CAMK2D: variants seen among roughly 807,000 people sequenced by gnomAD.
CAMK2D encodes calcium/calmodulin dependent protein kinase II delta.
In CAMK2D, 37 loss-of-function variants were observed where a neutral mutation model predicts 84.0. The observed-to-expected ratio is 0.44, with a 90% CI of 0.34 to 0.58. CAMK2D has a LOEUF of 0.58. CAMK2D is among the 20% of genes least tolerant of loss of function. The pLI, the probability that CAMK2D is intolerant of heterozygous loss-of-function variation, is 0.02. For synonymous variants in CAMK2D, 202 were observed against 212.5 expected, an observed-to-expected ratio of 0.95 and a Z score of 0.43; for missense variants, 448 against 652.5, an observed-to-expected ratio of 0.69 and a Z score of 3.41.
intron 16 of CAMK2D, among the ~76,000 whole-genome samples, chr4:113,492,970 C>A (rs915848094): frequency 1.1e-5 from 1 of 88,682 alleles, no homozygotes; most frequent in African/African-American, 5.7e-5. Flanking sequence ...GCAACCCCTG[C>A]CTTTTTTTGT....
At chr4:113,542,901 G>A (rs371828897) in intron 6 of CAMK2D, among the ~76,000 whole-genome samples, 1 of 151,688 alleles carries the variant, frequency 6.6e-6, no homozygotes, top group South Asian at 2.1e-4. Flanking sequence ...CTATCCATCC[G>A]TCCAATGACA....
At chr4:113,490,108 TG>T (rs929238424) in intron 16 of CAMK2D, among the ~76,000 whole-genome samples, 23 of 149,548 alleles carry the variant, frequency 1.5e-4, no homozygotes, top group African/African-American at 5.6e-4. Flanking sequence ...TTCACTCTGA[TG>T]GTAGTTTCTT....
At chr4:113,708,718 T>C (rs998976791) in intron 2 of CAMK2D, among the ~76,000 whole-genome samples, 2 of 152,044 alleles carry the variant, frequency 1.3e-5, no homozygotes, top group African/African-American at 2.4e-5. Flanking sequence ...AAAGGTTTTG[T>C]TGTTGTTGTT....
chr4:113,575,322 GTATC>G (rs1364785250), intron 4 of CAMK2D, among the ~76,000 whole-genome samples: 1 of 152,068 alleles, frequency 6.6e-6, no homozygotes, highest in Non-Finnish European at 1.5e-5. Flanking sequence ...CATTCACTTG[GTATC>G]ATTAGGGACA....
intron 16 of CAMK2D, among the ~76,000 whole-genome samples, chr4:113,481,635 A>C (rs939432457): frequency 6.6e-6 from 1 of 152,036 alleles, no homozygotes; most frequent in Non-Finnish European, 1.5e-5. Context: ...ATGCACCACC[A>C]CACCTGGCTA....
At chr4:113,609,314 C>A in intron 3 of CAMK2D, 108 bp from the exon 4 acceptor site, 1 of 687,814 alleles carries the variant, frequency 1.5e-6, no homozygotes, top group Non-Finnish European at 2.7e-6. Context: ...GTTGGCATTA[C>A]ATTTTATTTT....
Position 113,694,862 on chromosome 4 carries a change from C to A in CAMK2D, c.161-33090G>T, listed in dbSNP as rs949243509. Among the ~76,000 whole-genome samples the A allele has an allele frequency of 9.2e-5, 14 of 152,190 alleles. 1 individual carries two copies. The South Asian group carries it at 2.9e-3, about 32-fold the overall frequency. On this transcript the variant is annotated intron_variant, in intron 2 of 20. Transcript: ENST00000511664. Reference sequence around the variant, plus strand: ...CTACTAATTAGCAAATTTTTTGAGGCCAGAAACTTTTAGTAATATTTCTCT... The same window carrying A: ...CTACTAATTAGCAAATTTTTTGAGGACAGAAACTTTTAGTAATATTTCTCT...
At chr4:113,479,759 T>C (rs2097676371) in intron 16 of CAMK2D, among the ~76,000 whole-genome samples, 1 of 152,112 alleles carries the variant, frequency 6.6e-6, no homozygotes, top group African/African-American at 2.4e-5. Flanking sequence ...TTTCAGAAAA[T>C]AGAAACGATG....
intron 2 of CAMK2D, among the ~76,000 whole-genome samples, chr4:113,705,652 T>G (rs953006249): frequency 6.6e-6 from 1 of 152,220 alleles, no homozygotes; most frequent in East Asian, 1.9e-4. Flanking sequence ...ATAAAAAGTT[T>G]TAACAAATGT....
chr4:113,640,549 C>T (rs549943306), intron 3 of CAMK2D, among the ~76,000 whole-genome samples: 12 of 152,098 alleles, frequency 7.9e-5, no homozygotes, highest in Non-Finnish European at 1.8e-4. Context: ...CCTAACAAAA[C>T]CTAATCAGTA....
intron 16 of CAMK2D, among the ~76,000 whole-genome samples, chr4:113,496,446 CTTTTTTTTTTT>C (rs543371495): frequency 8.3e-6 from 1 of 120,706 alleles, no homozygotes; most frequent in Non-Finnish European, 1.7e-5. Flanking sequence ...CTCCCATTTG[CTTTTTTTTTTT>C]TTTTTTTTTA....
Position 113,457,318 on chromosome 4 carries a change from A to G in CAMK2D, c.1535+17T>C. On this transcript the variant is annotated intron_variant, in intron 19 of 20. Transcript: ENST00000511664. ...TGGGTGTATTAACAAAGAAGCTGACAGCCTGGAAATATTTACTTGATGGGT... is the reference window on the plus strand; with the variant it reads ...TGGGTGTATTAACAAAGAAGCTGACGGCCTGGAAATATTTACTTGATGGGT... 1 of 1,613,232 alleles carries G rather than the reference A, an allele frequency of 6.2e-7. No homozygotes were observed. Among genetic ancestry groups the G allele is most frequent in the African/African-American group, 1.3e-5 (1 of 75,016 alleles).
chr4:113,761,675 C>T lies in CAMK2D; in HGVS notation c.-607G>A. The T allele has an allele frequency of 2.0e-6, 2 of 984,636 alleles. No homozygotes were observed. The highest frequency in any genetic ancestry group is 9.4e-5 in the South Asian group (2 of 21,278). The allele number at this position is 984,636 out of a possible 1,614,324, so 61.0% of individuals were successfully genotyped here. On this transcript the variant is annotated 5_prime_UTR_variant, in exon 1 of 21. Coordinates refer to ENST00000511664, the MANE Select transcript of CAMK2D (RefSeq NM_001321571.2). ...CGGCAGCGGCTCCGGCGAAGCGAGGCACCTTGGCGGCCTCGCGCTGCTCAC... is the reference window on the plus strand; with the variant it reads ...CGGCAGCGGCTCCGGCGAAGCGAGGTACCTTGGCGGCCTCGCGCTGCTCAC...
intron 2 of CAMK2D, among the ~76,000 whole-genome samples, chr4:113,671,162 G>T (rs1278674994): frequency 6.6e-6 from 1 of 151,990 alleles, no homozygotes; most frequent in East Asian, 1.9e-4. Context: ...ATATTTATAT[G>T]GTTTTCCACA....
intron 2 of CAMK2D, among the ~76,000 whole-genome samples, chr4:113,675,618 T>C (rs576621918): frequency 6.6e-6 from 1 of 151,864 alleles, no homozygotes; most frequent in South Asian, 2.1e-4. Flanking sequence ...AGAGGAAAAG[T>C]AAGTATTCTG....
At chr4:113,605,615 T>C (rs781743768) in intron 4 of CAMK2D, among the ~76,000 whole-genome samples, 21 of 152,208 alleles carry the variant, frequency 1.4e-4, no homozygotes, top group Non-Finnish European at 2.6e-4. Flanking sequence ...AAAACAAAGA[T>C]CTGACAAATT....
At chr4:113,607,193 A>G (rs576288030) in intron 4 of CAMK2D, among the ~76,000 whole-genome samples, 1 of 152,316 alleles carries the variant, frequency 6.6e-6, no homozygotes, top group South Asian at 2.1e-4. Flanking sequence ...AAGAAAAAAT[A>G]ATGGAAAAAG....
At position 113,579,013 on chromosome 4, in the gene CAMK2D, T is replaced by C. The variant is rs193105803; in HGVS notation, c.276-26917A>G. Among the ~76,000 whole-genome samples the C allele has an allele frequency of 4.0e-3, 511 of 128,896 alleles. 2 individuals are homozygous for C. Among genetic ancestry groups the C allele is most frequent in the African/African-American group, 0.014 (497 of 34,642 alleles). The allele number at this position is 128,896 out of a possible 152,430, so 84.6% of individuals were successfully genotyped here. ...AACCAAAGACTATCTCTTAACTTTATAGAATAAATGGAAAAAGGCAAACTG... is the reference window on the plus strand; with the variant it reads ...AACCAAAGACTATCTCTTAACTTTACAGAATAAATGGAAAAAGGCAAACTG... On this transcript the variant is annotated intron_variant, in intron 4 of 20. Coordinates refer to ENST00000511664, the MANE Select transcript of CAMK2D (RefSeq NM_001321571.2).
intron 6 of CAMK2D, among the ~76,000 whole-genome samples, chr4:113,539,558 G>T (rs1560815031): frequency 6.6e-6 from 1 of 152,210 alleles, no homozygotes; most frequent in East Asian, 1.9e-4. Flanking sequence ...CGATTCAGAA[G>T]AAATGGAACA....
Sources: gnomAD v4.1 joint callset for allele counts (sites outside exome capture counted in the v4.1 genomes callset) on GRCh38, gnomAD v4.1.1 for gene constraint, MANE v1.5 for transcripts, NCBI Gene and HGNC (gene_info 2026-07-23, HGNC 2026-07-21) for gene names.